The following TMEM108 variants were observed in gnomAD, a reference collection of about 807,000 sequenced individuals.
TMEM108 encodes the protein transmembrane protein 108, also known as cancer/testis antigen 124.
In TMEM108, 12 loss-of-function variants were observed where a neutral mutation model predicts 35.1. The ratio of observed to expected loss-of-function variants is 0.34; its 90% CI spans 0.22 to 0.55. The LOEUF is 0.55. Among genes scored for constraint, TMEM108 ranks in the 20% least tolerant of loss-of-function variants. TMEM108 has a pLI of 0.89. For missense variants in TMEM108, 680 were observed against 753.3 expected (o/e 0.90, Z 1.14); for synonymous variants, 287 against 308.6 (o/e 0.93, Z 0.73).
At chr3:133,312,268 C>T (rs925328186) in intron 3 of TMEM108, among the ~76,000 whole-genome samples, 2 of 152,236 alleles carry the variant, frequency 1.3e-5, no homozygotes, top group African/African-American at 2.4e-5. Context: ...CTCTTCAGAG[C>T]TGTCAGACAG....
At position 133,317,505 on chromosome 3, in the gene TMEM108, A is replaced by T. The variant is rs186834030; in HGVS notation, c.41-62247A>T. 2.8e-3 allele frequency among the ~76,000 whole-genome samples: 426 copies of T among 152,342 alleles called. 2 individuals are homozygous for T. The highest frequency in any genetic ancestry group is 4.7e-3 in the Non-Finnish European group (323 of 68,024). On this transcript the variant is annotated intron_variant, in intron 3 of 5. Coordinates refer to ENST00000321871, the MANE Select transcript of TMEM108 (RefSeq NM_023943.4). ...TACACATTTCCCAGATGGCTTACAG[A>T]ATAACAGACTGGAAACAGAACTTAA...
intron 2 of TMEM108, among the ~76,000 whole-genome samples, chr3:133,051,107 C>CT (rs1943399640): frequency 6.6e-6 from 1 of 151,862 alleles, no homozygotes; most frequent in Admixed American, 6.6e-5. Flanking sequence ...TTCAAAATGA[C>CT]TAACATTTTG....
At chr3:133,058,177 G>C (rs946378580) in intron 2 of TMEM108, among the ~76,000 whole-genome samples, 1 of 152,168 alleles carries the variant, frequency 6.6e-6, no homozygotes, top group South Asian at 2.1e-4. Flanking sequence ...TAAATATGTG[G>C]CTGCCTTTTT....
intron 2 of TMEM108, among the ~76,000 whole-genome samples, chr3:133,097,534 C>A (rs964800199): frequency 7.9e-5 from 12 of 152,166 alleles, no homozygotes. Flanking sequence ...ACCCCACAGA[C>A]TATCATTTTT....
At chr3:133,073,510 CTATATATA>C (rs1183039173) in intron 2 of TMEM108, among the ~76,000 whole-genome samples, 2 of 43,920 alleles carry the variant, frequency 4.6e-5, no homozygotes, top group African/African-American at 2.4e-4. Context: ...CTCTCTCTCT[CTATATATA>C]TATATATATA....
Position 133,272,309 on chromosome 3 carries a change from GTGTT to G in TMEM108, c.40+42960_40+42963del, listed in dbSNP as rs767748782. Among the ~76,000 whole-genome samples, 908 of 147,890 alleles carry G rather than the reference GTGTT, an allele frequency of 6.1e-3. 6 individuals carry two copies. Among genetic ancestry groups the G allele is most frequent in the East Asian group, 0.017 (86 of 5,044 alleles). On this transcript the variant is annotated intron_variant, in intron 3 of 5. Transcript: ENST00000321871. ...TGTGTGTGTGTGTGTGTGTGTGTGTGTGTTTCCTAAAGGAGGACTTATTTTAATA... is the reference window on the plus strand; with the variant it reads ...TGTGTGTGTGTGTGTGTGTGTGTGTGTCCTAAAGGAGGACTTATTTTAATA...
At chr3:133,348,158 A>T (rs966439727) in intron 3 of TMEM108, among the ~76,000 whole-genome samples, 1 of 152,138 alleles carries the variant, frequency 6.6e-6, no homozygotes, top group African/African-American at 2.4e-5. Context: ...AAAACATGTC[A>T]TTAAGTAATA....
At chr3:133,173,949 C>T (rs574243192) in intron 2 of TMEM108, among the ~76,000 whole-genome samples, 11 of 152,294 alleles carry the variant, frequency 7.2e-5, no homozygotes, top group East Asian at 3.9e-4. Context: ...GGGTGACAGA[C>T]GGCACCTGGA....
At chr3:133,079,070 A>T (rs1295511398) in intron 2 of TMEM108, among the ~76,000 whole-genome samples, 6 of 152,202 alleles carry the variant, frequency 3.9e-5, no homozygotes, top group African/African-American at 9.7e-5. Flanking sequence ...GTGGTATATA[A>T]TTAGGTTCTA....
chr3:133,239,144 C>T (rs115580483), intron 3 of TMEM108, among the ~76,000 whole-genome samples: 1,893 of 152,204 alleles, frequency 0.012, 16 homozygotes, highest in South Asian at 0.024. Flanking sequence ...TTTTGTGTCC[C>T]CCACCCCTTA....
intron 2 of TMEM108, among the ~76,000 whole-genome samples, chr3:133,214,102 G>C (rs966436994): frequency 1.3e-5 from 2 of 152,144 alleles, no homozygotes; most frequent in Admixed American, 1.3e-4. Context: ...GGCGATAGTT[G>C]CTAACTTGCA....
chr3:133,193,431 AT>A (rs969209153), intron 2 of TMEM108, among the ~76,000 whole-genome samples: 2 of 151,628 alleles, frequency 1.3e-5, no homozygotes, highest in African/African-American at 4.8e-5. Context: ...GAAACTCTAC[AT>A]TTTTTTTTAT....
At chr3:133,255,777 T>G (rs1946537409) in intron 3 of TMEM108, among the ~76,000 whole-genome samples, 1 of 152,036 alleles carries the variant, frequency 6.6e-6, no homozygotes, top group Non-Finnish European at 1.5e-5. Flanking sequence ...TCACCTGAGG[T>G]CAGCAGTTCA....
In TMEM108 at chr3:133,178,600, A is replaced by G. The variant is rs200536247; in HGVS notation, c.-46-50666A>G. Among the ~76,000 whole-genome samples, 19 of 152,384 alleles carry G rather than the reference A, an allele frequency of 1.2e-4. No individual in the cohort carries two copies. The East Asian group carries it at 3.7e-3, about 29-fold the overall frequency. On this transcript the variant is annotated intron_variant, in intron 2 of 5. Transcript: ENST00000321871. The stretch of plus-strand genomic sequence containing the variant: ...ATAAATGGTTCTGGGAAAACTGGCT[A>G]GCCATATGTAGAAAGCTGAAACTGG...
intron 2 of TMEM108, among the ~76,000 whole-genome samples, chr3:133,073,667 A>C (rs1485400190): frequency 6.6e-6 from 1 of 151,334 alleles, no homozygotes; most frequent in Non-Finnish European, 1.5e-5. Context: ...TTTCCTTTGG[A>C]TATATACCCA....
At chr3:133,046,973 G>T (rs35694969) in intron 2 of TMEM108, among the ~76,000 whole-genome samples, 13,637 of 152,192 alleles carry the variant, frequency 0.09, 648 homozygotes, top group East Asian at 0.17. Flanking sequence ...GAAAAGGCTG[G>T]TATCTTTCGG....
intron 2 of TMEM108, among the ~76,000 whole-genome samples, chr3:133,094,312 T>C (rs1943986391): frequency 6.8e-6 from 1 of 147,178 alleles, no homozygotes; most frequent in African/African-American, 2.5e-5. Flanking sequence ...GATTCATTCA[T>C]TTCAGGGCTA....
chr3:133,281,094 AT>A (rs1946905554), intron 3 of TMEM108, among the ~76,000 whole-genome samples: 1 of 152,228 alleles, frequency 6.6e-6, no homozygotes, highest in African/African-American at 2.4e-5. Flanking sequence ...AGGGGCATAA[AT>A]ACTATGAAGG....
chr3:133,268,063 G>T (rs979495433), intron 3 of TMEM108, among the ~76,000 whole-genome samples: 1 of 152,222 alleles, frequency 6.6e-6, no homozygotes, highest in Non-Finnish European at 1.5e-5. Flanking sequence ...GCAGAAGCTG[G>T]CTAGGTACAG....
Sources: gnomAD v4.1 joint callset for allele counts (sites outside exome capture counted in the v4.1 genomes callset) on GRCh38, gnomAD v4.1.1 for gene constraint, MANE v1.5 for transcripts, NCBI Gene and HGNC (gene_info 2026-07-23, HGNC 2026-07-21) for gene names.